Variants in COL21A1 observed in about 807,000 individuals in gnomAD.
COL21A1 encodes collagen alpha-1(XXI) chain.
COL21A1 carries 149 observed loss-of-function variants against 137.9 expected under a neutral mutation model. The observed-to-expected ratio is 1.08, with a 90% CI of 0.95 to 1.24. COL21A1 has a LOEUF of 1.24. COL21A1 is among the 50% of genes most tolerant of loss of function. COL21A1 has a pLI of 0.00. For missense variants in COL21A1, 1,167 were observed against 1,158.4 expected, an observed-to-expected ratio of 1.01 and a Z score of -0.11; for synonymous variants, 456 against 391.5, an observed-to-expected ratio of 1.16 and a Z score of -1.95.
chr6:56,065,002 G>A (rs1766117620), intron 23 of COL21A1, among the ~76,000 whole-genome samples: 1 of 151,904 alleles, frequency 6.6e-6, no homozygotes, highest in Admixed American at 6.6e-5. Context: ...ATGGACATGT[G>A]AGGACAAGAA....
intron 1 of COL21A1, among the ~76,000 whole-genome samples, chr6:56,390,535 C>CACAT (rs60083356): frequency 6.7e-6 from 1 of 148,838 alleles, no homozygotes; most frequent in Non-Finnish European, 1.5e-5. Flanking sequence ...CACACACACA[C>CACAT]GACCCTACTA....
chr6:56,300,802 G>A (rs1049046700), intron 1 of COL21A1, among the ~76,000 whole-genome samples: 1 of 152,028 alleles, frequency 6.6e-6, no homozygotes, highest in African/African-American at 2.4e-5. Flanking sequence ...CTATTTTATT[G>A]ATTGCTTGGT....
intron 17 of COL21A1, chr6:56,077,989 A>G (rs1767393554): frequency 2.3e-6 from 1 of 435,604 alleles, no homozygotes; most frequent in African/African-American, 2.1e-5. Flanking sequence ...TTAGTTAAAA[A>G]TTAATTTAAT....
rs1166812182 is a variant in COL21A1, at chr6:56,254,062, TCTTC to T, written c.-38-71410_-38-71407del. Among the ~76,000 whole-genome samples, 5 of 152,320 alleles carry T rather than the reference TCTTC, an allele frequency of 3.3e-5. No individual in the cohort carries two copies. In the East Asian group the frequency reaches 9.6e-4, roughly 29 times the overall value. On this transcript the variant is annotated intron_variant, in intron 1 of 28. Transcript: ENST00000370819. Reference sequence around the variant, plus strand: ...CATCCTCAATTTCAGAGTCCCAAATTCTTCTGGCCAAGAGAACATTGAGTGAAAT... The same window carrying T: ...CATCCTCAATTTCAGAGTCCCAAATTTGGCCAAGAGAACATTGAGTGAAAT...
At chr6:56,351,986 T>C (rs2152347037) in intron 1 of COL21A1, among the ~76,000 whole-genome samples, 1 of 152,284 alleles carries the variant, frequency 6.6e-6, no homozygotes, top group East Asian at 1.9e-4. Context: ...GATATTTTAA[T>C]GGCCAGGTGC....
At chr6:56,320,110 G>C (rs1562053842) in intron 1 of COL21A1, among the ~76,000 whole-genome samples, 2 of 152,036 alleles carry the variant, frequency 1.3e-5, no homozygotes, top group East Asian at 1.9e-4. Context: ...CTTACCTTCT[G>C]CCATCCCCCA....
chr6:56,325,655 TA>T (rs1357741615), intron 1 of COL21A1, among the ~76,000 whole-genome samples: 220 of 776 alleles, frequency 0.28, 48 homozygotes, highest in South Asian at 0.67. Flanking sequence ...TATAATATAT[TA>T]TATATTAAAT....
chr6:56,099,695 C>T (rs1296527143), intron 17 of COL21A1, among the ~76,000 whole-genome samples: 1 of 152,038 alleles, frequency 6.6e-6, no homozygotes, highest in Non-Finnish European at 1.5e-5. Flanking sequence ...TACACACACA[C>T]ACCTACTTTA....
intron 17 of COL21A1, 95 bp downstream of exon 17, chr6:56,101,377 A>G (rs565009266): frequency 2.9e-5 from 26 of 892,860 alleles, no homozygotes; most frequent in African/African-American, 2.2e-4. Context: ...TGAACAAATA[A>G]TAGGGCATCT....
intron 1 of COL21A1, among the ~76,000 whole-genome samples, chr6:56,272,303 A>G (rs1012102978): frequency 6.6e-6 from 1 of 152,180 alleles, no homozygotes; most frequent in African/African-American, 2.4e-5. Context: ...TTTAAGATTT[A>G]ATGAGTGCCC....
intron 12 of COL21A1, among the ~76,000 whole-genome samples, chr6:56,128,056 G>A (rs1773195164): frequency 6.6e-6 from 1 of 152,150 alleles, no homozygotes; most frequent in African/African-American, 2.4e-5. Flanking sequence ...AATTGTGCTG[G>A]AAGGTCTTTA....
At chr6:56,219,195 T>C (rs1431412523) in intron 1 of COL21A1, among the ~76,000 whole-genome samples, 5 of 120,856 alleles carry the variant, frequency 4.1e-5, no homozygotes, top group African/African-American at 1.3e-4. Context: ...TCCAAAGCAC[T>C]TCCCAAAGCC....
At chr6:56,216,386 A>G (rs1487616934) in intron 1 of COL21A1, among the ~76,000 whole-genome samples, 1 of 152,076 alleles carries the variant, frequency 6.6e-6, no homozygotes, top group East Asian at 1.9e-4. Context: ...AAAAGTTGAT[A>G]CAACCAAATA....
At chr6:56,213,271 A>G (rs935654701) in intron 1 of COL21A1, among the ~76,000 whole-genome samples, 1 of 152,154 alleles carries the variant, frequency 6.6e-6, no homozygotes, top group Non-Finnish European at 1.5e-5. Flanking sequence ...TGATTAGTAT[A>G]TGGTATAGAG....
intron 1 of COL21A1, among the ~76,000 whole-genome samples, chr6:56,259,940 G>A (rs1317643765): frequency 4.6e-5 from 7 of 152,114 alleles, no homozygotes; most frequent in East Asian, 1.9e-4. Context: ...ATGATATCCC[G>A]GAGTCATTCT....
chr6:56,275,675 A>G (rs1231618129), intron 1 of COL21A1, among the ~76,000 whole-genome samples: 1 of 152,136 alleles, frequency 6.6e-6, no homozygotes, highest in Non-Finnish European at 1.5e-5. Flanking sequence ...TGAGATAGAT[A>G]CCATCTCACA....
intron 1 of COL21A1, among the ~76,000 whole-genome samples, chr6:56,253,812 C>T (rs1362605649): frequency 6.6e-6 from 1 of 152,146 alleles, no homozygotes; most frequent in African/African-American, 2.4e-5. Flanking sequence ...CTTAAAAGAG[C>T]TTGGCAACAA....
chr6:56,164,411 G>C lies in COL21A1; in HGVS notation c.1371+12C>G, dbSNP rs2152267496. On this transcript the variant is annotated intron_variant, in intron 9 of 29. Coordinates refer to ENST00000244728, the MANE Select transcript of COL21A1 (RefSeq NM_030820.4). The stretch of plus-strand genomic sequence containing the variant: ...GTGTTTTAACAAAAACAGCAAGTTA[G>C]GTGTTACCCACTTTGGGGCCTTGAA... 6.4e-7 allele frequency: 1 copy of C among 1,551,824 alleles called. No homozygotes were observed. Among genetic ancestry groups the C allele is most frequent in the East Asian group, 2.3e-5 (1 of 42,736 alleles).
At chr6:56,236,504 C>G (rs1463778288) in intron 1 of COL21A1, among the ~76,000 whole-genome samples, 3 of 151,956 alleles carry the variant, frequency 2.0e-5, no homozygotes, top group Non-Finnish European at 4.4e-5. Flanking sequence ...ATACTGCCAG[C>G]CCTATGACTT....
Sources: gnomAD v4.1 joint callset for allele counts (sites outside exome capture counted in the v4.1 genomes callset) on GRCh38, gnomAD v4.1.1 for gene constraint, MANE v1.5 for transcripts, NCBI Gene and HGNC (gene_info 2026-07-23, HGNC 2026-07-21) for gene names.